CEP152: variants seen among roughly 807,000 people sequenced by gnomAD.
CEP152 encodes centrosomal protein of 152 kDa.
Under a neutral mutation model 188.9 loss-of-function variants are expected in CEP152, and 132 were observed. The observed-to-expected ratio is 0.70, with a 90% confidence interval of 0.61 to 0.81. The LOEUF (loss-of-function observed/expected upper bound fraction) is 0.81. Among genes scored for constraint, CEP152 ranks in the 30% least tolerant of loss-of-function variants. The probability of loss-of-function intolerance (pLI) is 0.00; values close to 1 mark genes in which losing one functional copy is unlikely to be tolerated. For missense variants in CEP152, 1,914 were observed against 1,969.8 expected (o/e 0.97, Z 0.54); for synonymous variants, 649 against 666.6 (o/e 0.97, Z 0.41).
chr15:48,741,130 CTT>C (rs60800078), intron 26 of CEP152: 4,901 of 891,656 alleles, frequency 5.5e-3, no homozygotes, highest in Middle Eastern at 7.4e-3. Context: ...CCACTGCAAA[CTT>C]TTTTTTTTTT....
Position 48,762,387 on chromosome 15 carries a change from T to G in CEP152, c.2562+4A>C, listed in dbSNP as rs763186340. ...AAATTTACTAGAATAAATCTGCCTT[T>G]TACCTGTTTGGTAATATTTTCACAA... On this transcript the variant is annotated splice_donor_region_variant and intron_variant, in intron 18 of 26. Transcript: ENST00000380950. The G allele has an allele frequency of 2.5e-6, 4 of 1,613,710 alleles. No individual in the cohort carries two copies. In the South Asian group the frequency reaches 4.4e-5, roughly 18 times the overall value.
chr15:48,797,829 T>G (rs1420623547), intron 3 of CEP152, 99 bp from the exon 4 acceptor site: 2 of 1,521,370 alleles, frequency 1.3e-6, no homozygotes, highest in Non-Finnish European at 1.8e-6. Flanking sequence ...CTTCCAATCT[T>G]CACCCAAAAT....
intron 12 of CEP152, among the ~76,000 whole-genome samples, chr15:48,780,186 A>G (rs375954931): frequency 1.5e-3 from 221 of 152,292 alleles, no homozygotes; most frequent in African/African-American, 5.1e-3. Context: ...CATATAATCC[A>G]GTTCTGATAT....
chr15:48,769,103 G>A, intron 13 of CEP152, 22 bp from the exon 14 acceptor site: 1 of 1,571,036 alleles, frequency 6.4e-7, no homozygotes, highest in South Asian at 1.2e-5. Flanking sequence ...AAGGTCAAAA[G>A]TTTTACAAGT....
chr15:48,802,863 G>A (rs1262412348), intron 2 of CEP152, among the ~76,000 whole-genome samples: 1 of 152,214 alleles, frequency 6.6e-6, no homozygotes, highest in Non-Finnish European at 1.5e-5. Flanking sequence ...TTGGAATGGT[G>A]TATTCATTGG....
intron 16 of CEP152, 65 bp downstream of exon 16, chr15:48,767,270 T>C: frequency 6.2e-7 from 1 of 1,613,974 alleles, no homozygotes; most frequent in Non-Finnish European, 8.5e-7. Flanking sequence ...AATTTTCCTC[T>C]AAATTATGGA....
In CEP152 at chr15:48,748,555, T is replaced by A; in HGVS notation, c.3522A>T (p.Glu1174Asp). Reference sequence around the variant, plus strand: ...GACATTCCTGCTTTGCCTTTTCAAGTTCTTGGAAGCAGTGTCCACAGCATA... The same window carrying A: ...GACATTCCTGCTTTGCCTTTTCAAGATCTTGGAAGCAGTGTCCACAGCATA... Reference protein sequence around the residue: ...KDLCCGHCFQELEKAKQECQD... With the variant: ...KDLCCGHCFQDLEKAKQECQD... Residue 1174 changes from glutamate (E) to aspartate (D), a missense_variant, in exon 22 of 27, where the codon GAA becomes GAT. Transcript: ENST00000380950. 6.5e-7 allele frequency: 1 copy of A among 1,534,236 alleles called. No homozygotes were observed. The highest frequency in any genetic ancestry group is 8.7e-7 in the Non-Finnish European group (1 of 1,145,988).
rs1895630153 is a variant in CEP152 at position 48,772,555 on chromosome 15, T to C, written c.1714A>G (p.Lys572Glu). 1 of 1,613,844 alleles carries C rather than the reference T, an allele frequency of 6.2e-7. No homozygotes were observed. Among genetic ancestry groups the C allele is most frequent in the Admixed American group, 1.7e-5 (1 of 59,998 alleles). Residue 572 changes from lysine (K) to glutamate (E), a missense_variant, in exon 13 of 27, where the codon AAA (lysine) becomes GAA (glutamate). Transcript: ENST00000380950. ...HLVSQLQNDL[K>E]DCHKKIEDLH... ...TCTTCAATTTTCTTATGACAGTCTT[T>C]GAGGTCATTTTGTAACTGAGACACC...
At chr15:48,807,733 A>G (rs1358486578) in intron 1 of CEP152, among the ~76,000 whole-genome samples, 1 of 152,166 alleles carries the variant, frequency 6.6e-6, no homozygotes, top group Non-Finnish European at 1.5e-5. Flanking sequence ...TCCTTCATTA[A>G]GTTAGAGAAG....
chr15:48,741,925 A>G (rs777558463), intron 25 of CEP152, 22 bp downstream of exon 25: 1 of 1,614,198 alleles, frequency 6.2e-7, no homozygotes, highest in East Asian at 2.2e-5. Context: ...ATCTCAGGAC[A>G]CATTGTTCAG....
intron 2 of CEP152, among the ~76,000 whole-genome samples, chr15:48,803,395 G>A (rs1270853518): frequency 6.6e-6 from 1 of 152,202 alleles, no homozygotes; most frequent in African/African-American, 2.4e-5. Flanking sequence ...TAGTGACAAA[G>A]TATACATACA....
chr15:48,757,308 C>T (rs1894348134), intron 19 of CEP152, among the ~76,000 whole-genome samples: 1 of 152,182 alleles, frequency 6.6e-6, no homozygotes, highest in African/African-American at 2.4e-5. Flanking sequence ...TCAATTTCCT[C>T]ATCTATAAAA....
intron 5 of CEP152, among the ~76,000 whole-genome samples, chr15:48,796,791 G>T (rs558637086): frequency 6.6e-6 from 1 of 152,180 alleles, no homozygotes; most frequent in East Asian, 1.9e-4. Flanking sequence ...GAAAAACAAG[G>T]TTTTTTGGTT....
At chr15:48,800,969 T>A (rs145821784) in intron 2 of CEP152, among the ~76,000 whole-genome samples, 1 of 152,236 alleles carries the variant, frequency 6.6e-6, no homozygotes, top group East Asian at 1.9e-4. Flanking sequence ...ACAGAGAACA[T>A]GTAAACCTTT....
At chr15:48,732,065 A>G (rs911098063) in intron 2 of CEP152, among the ~76,000 whole-genome samples, 4 of 152,224 alleles carry the variant, frequency 2.6e-5, no homozygotes, top group Non-Finnish European at 5.9e-5. Context: ...AGAAATAGGA[A>G]TGCTTTTCCA....
chr15:48,733,716 C>T (rs545689085), downstream of CEP152, among the ~76,000 whole-genome samples: 1 of 152,146 alleles, frequency 6.6e-6, no homozygotes, highest in Non-Finnish European at 1.5e-5. Context: ...CTAGACACAC[C>T]ATGCTCAGAC....
intron 22 of CEP152, among the ~76,000 whole-genome samples, chr15:48,745,428 G>A (rs1156402650): frequency 6.7e-6 from 1 of 150,308 alleles, no homozygotes; most frequent in African/African-American, 2.5e-5. Flanking sequence ...CAGAAATAAT[G>A]TAAGATTTTC....
intron 13 of CEP152, 75 bp downstream of exon 13, chr15:48,772,410 CAA>C (rs146867646): frequency 9.8e-4 from 1,019 of 1,038,628 alleles, no homozygotes; most frequent in Admixed American, 1.1e-3. Context: ...CGCCCTGTCT[CAA>C]AAAAAAAAAA....
In CEP152 at chr15:48,805,635, A is replaced by G. The variant is rs1239296211; in HGVS notation, c.15T>C (p.Phe5=). ...TTTGCACTGGTAGTGCCACACTGCC[A>G]AAGTCTAATGACATGGTCCTCCTGT... MSLD[F]GSVALPVQNE... is the part of the protein sequence containing the mutation. Residue 5 remains phenylalanine (F), a synonymous_variant, in exon 2 of 27, where the codon TTT becomes TTC. Transcript: ENST00000380950. The G allele has an allele frequency of 1.6e-5, 25 of 1,611,462 alleles. No individual in the cohort carries two copies. The highest frequency in any genetic ancestry group is 2.0e-5 in the Non-Finnish European group (24 of 1,179,056).
Sources: gnomAD v4.1 joint callset for allele counts (sites outside exome capture counted in the v4.1 genomes callset) on GRCh38, gnomAD v4.1.1 for gene constraint, MANE v1.5 for transcripts, NCBI Gene and HGNC (gene_info 2026-07-23, HGNC 2026-07-21) for gene names.